The following EIF4EBP2 variants were observed in gnomAD, a reference collection of about 807,000 sequenced individuals.
EIF4EBP2 encodes the protein eukaryotic translation initiation factor 4E-binding protein 2.
A neutral mutation model predicts 10.3 loss-of-function variants in EIF4EBP2; 5 were observed. The ratio of observed to expected loss-of-function variants is 0.48; its 90% CI spans 0.25 to 1.02. The LOEUF (loss-of-function observed/expected upper bound fraction) is 1.02. Among genes scored for constraint, EIF4EBP2 ranks in the 50% least tolerant of loss-of-function variants. The pLI is 0.15. For missense variants in EIF4EBP2, 188 were observed against 162.2 expected (o/e 1.16, Z -0.86); for synonymous variants, 67 against 61.1 (o/e 1.10, Z -0.45).
intron 1 of EIF4EBP2, among the ~76,000 whole-genome samples, chr10:70,406,746 T>C (rs542787198): frequency 1.3e-5 from 2 of 152,340 alleles, no homozygotes; most frequent in Admixed American, 1.3e-4. Context: ...ACTCAATCAC[T>C]GTTTTCTCAA....
intron 1 of EIF4EBP2, among the ~76,000 whole-genome samples, chr10:70,410,635 C>G (rs1246551738): frequency 2.0e-5 from 3 of 152,208 alleles, no homozygotes; most frequent in Non-Finnish European, 2.9e-5. Flanking sequence ...CCTTGTTCTA[C>G]CTTCCTAAGT....
At position 70,422,520 on chromosome 10, in the gene EIF4EBP2, T is replaced by C. The variant is rs1208484197; in HGVS notation, c.*773T>C. On this transcript the variant is annotated 3_prime_UTR_variant, in exon 3 of 3. Transcript: ENST00000373218. ...GAGAGCCCTTGGTAACCAGTTTTGCTCTTCTTCTGCCACTCCTCCCTGCTT... is the reference window on the plus strand; with the variant it reads ...GAGAGCCCTTGGTAACCAGTTTTGCCCTTCTTCTGCCACTCCTCCCTGCTT... The C allele has an allele frequency of 6.6e-6, 1 of 152,218 alleles. No homozygotes were observed. The highest frequency in any genetic ancestry group is 1.5e-5 in the Non-Finnish European group (1 of 68,044). The allele number at this position is 152,218 out of a possible 1,614,324, so 9.4% of individuals were successfully genotyped here. A position where few individuals can be genotyped will look rare whatever the true frequency, so the allele number is the denominator to read the frequency against.
intron 1 of EIF4EBP2, among the ~76,000 whole-genome samples, chr10:70,413,153 C>A (rs1055864519): frequency 2.0e-5 from 3 of 152,306 alleles, no homozygotes; most frequent in Non-Finnish European, 2.9e-5. Context: ...ATCCTCTCTC[C>A]ATTTACTAAT....
chr10:70,408,763 G>C (rs1845010295), intron 1 of EIF4EBP2, among the ~76,000 whole-genome samples: 1 of 152,208 alleles, frequency 6.6e-6, no homozygotes, highest in South Asian at 2.1e-4. Context: ...TCCTTGGTCT[G>C]AACAGGTTTA....
chr10:70,414,894 C>T (rs913139177), intron 1 of EIF4EBP2, among the ~76,000 whole-genome samples: 1 of 151,116 alleles, frequency 6.6e-6, no homozygotes, highest in Non-Finnish European at 1.5e-5. Context: ...AAACTGGTCA[C>T]GCTTGTTATC....
intron 1 of EIF4EBP2, among the ~76,000 whole-genome samples, chr10:70,416,924 A>G (rs1031877539): frequency 3.9e-5 from 6 of 152,112 alleles, no homozygotes; most frequent in South Asian, 2.1e-4. Context: ...TGGCCTCCCA[A>G]AGTGCTGGGA....
At chr10:70,411,069 A>C (rs536533554) in intron 1 of EIF4EBP2, among the ~76,000 whole-genome samples, 2 of 152,340 alleles carry the variant, frequency 1.3e-5, no homozygotes, top group Admixed American at 1.3e-4. Flanking sequence ...TTTTAAACAT[A>C]CATAACAAAA....
At chr10:70,419,850 G>T (rs1327052893) in intron 1 of EIF4EBP2, 64 bp from the exon 2 acceptor site, 16 of 1,133,776 alleles carry the variant, frequency 1.4e-5, no homozygotes, top group East Asian at 1.1e-4. Context: ...TTAAATTCCT[G>T]GGTGGTATTA....
intron 1 of EIF4EBP2, among the ~76,000 whole-genome samples, chr10:70,417,649 T>C (rs1845111544): frequency 6.6e-6 from 1 of 152,232 alleles, no homozygotes; most frequent in Non-Finnish European, 1.5e-5. Context: ...GTATGCGTTG[T>C]TGCTGATACA....
intron 1 of EIF4EBP2, among the ~76,000 whole-genome samples, chr10:70,408,781 G>T (rs1845010637): frequency 6.6e-6 from 1 of 152,230 alleles, no homozygotes. Context: ...TTAAATTCTT[G>T]ATTTGGGGGT....
chr10:70,406,839 T>C (rs899253670), intron 1 of EIF4EBP2, among the ~76,000 whole-genome samples: 1 of 152,280 alleles, frequency 6.6e-6, no homozygotes, highest in Non-Finnish European at 1.5e-5. Flanking sequence ...GGCTCTTCTT[T>C]ACTGTTGAGC....
At chr10:70,409,447 A>G (rs1845019480) in intron 1 of EIF4EBP2, among the ~76,000 whole-genome samples, 1 of 152,184 alleles carries the variant, frequency 6.6e-6, no homozygotes, top group African/African-American at 2.4e-5. Flanking sequence ...AAGAAACCTA[A>G]TGCTTTCATT....
rs1242646906 is a variant in EIF4EBP2 at position 70,426,121 on chromosome 10, A to G, written c.*4374A>G. The stretch of plus-strand genomic sequence containing the variant: ...TTCTTAAATAACTGGTCTTGTGTTC[A>G]TGCTAAAGACAAACTTACATGAAGT... On this transcript the variant is annotated 3_prime_UTR_variant, in exon 3 of 3. Transcript: ENST00000373218. The G allele has an allele frequency of 1.3e-5, 2 of 152,248 alleles. No individual in the cohort carries two copies. 9.4% of individuals were successfully genotyped at this position (152,248 alleles called of 1,614,324 possible). A position where few individuals can be genotyped will look rare whatever the true frequency, so the allele number is the denominator to read the frequency against.
At chr10:70,412,687 T>C (rs1845058350) in intron 1 of EIF4EBP2, among the ~76,000 whole-genome samples, 1 of 152,196 alleles carries the variant, frequency 6.6e-6, no homozygotes, top group African/African-American at 2.4e-5. Flanking sequence ...GGTTTTTAGA[T>C]TCAAAGGTAG....
intron 1 of EIF4EBP2, among the ~76,000 whole-genome samples, chr10:70,417,828 G>A (rs1466367480): frequency 6.6e-6 from 1 of 152,108 alleles, no homozygotes; most frequent in Non-Finnish European, 1.5e-5. Flanking sequence ...CAAAAGTGGG[G>A]TAACTCAAAC....
intron 1 of EIF4EBP2, among the ~76,000 whole-genome samples, chr10:70,417,655 A>T (rs1404392608): frequency 2.6e-5 from 4 of 152,164 alleles, no homozygotes; most frequent in African/African-American, 9.7e-5. Flanking sequence ...GTTGTTGCTG[A>T]TACATAATTT....
At chr10:70,406,416 A>C (rs1283053425) in intron 1 of EIF4EBP2, among the ~76,000 whole-genome samples, 1 of 152,230 alleles carries the variant, frequency 6.6e-6, no homozygotes, top group Non-Finnish European at 1.5e-5. Context: ...CTTCTTCCAG[A>C]ATTCTTTGTG....
chr10:70,404,492 C>T lies in EIF4EBP2; in HGVS notation c.91C>T (p.Pro31Ser). Residue 31 changes from proline to serine, a missense_variant, in exon 1 of 3, where the codon CCT becomes TCT. Coordinates refer to ENST00000373218, the MANE Select transcript of EIF4EBP2 (RefSeq NM_004096.5). ...TVAISDAAQL[P>S]HDYCTTPGGT... is the part of the protein sequence containing the mutation. ...GGCCATCAGCGACGCCGCGCAGCTA[C>T]CTCATGACTATTGCACCACGCCCGG... 1 of 1,599,606 alleles carries T rather than the reference C, an allele frequency of 6.3e-7. No homozygotes were observed.
chr10:70,408,513 G>C (rs1352371579), intron 1 of EIF4EBP2, among the ~76,000 whole-genome samples: 2 of 152,220 alleles, frequency 1.3e-5, no homozygotes, highest in African/African-American at 4.8e-5. Context: ...AATGAATACT[G>C]TTTAGGTGTT....
Sources: gnomAD v4.1 joint callset for allele counts (sites outside exome capture counted in the v4.1 genomes callset) on GRCh38, gnomAD v4.1.1 for gene constraint, MANE v1.5 for transcripts, NCBI Gene and HGNC (gene_info 2026-07-23, HGNC 2026-07-21) for gene names.